RPRD2: variants seen among roughly 807,000 people sequenced by gnomAD.
The protein encoded by RPRD2 is regulation of nuclear pre-mRNA domain-containing protein 2.
RPRD2 carries 12 observed loss-of-function variants against 104.4 expected under a neutral mutation model. That is an observed-to-expected ratio of 0.11 (90% confidence interval 0.07 to 0.19). RPRD2 has a LOEUF of 0.19. RPRD2 is among the 10% of genes least tolerant of loss of function. RPRD2 has a pLI of 1.00. For missense variants in RPRD2, 1,543 were observed against 1,790.1 expected (o/e 0.86, Z 2.49); for synonymous variants, 714 against 684.9 (o/e 1.04, Z -0.66).
At chr1:150,437,511 GT>G (rs750658263) in intron 2 of RPRD2, among the ~76,000 whole-genome samples, 2 of 152,132 alleles carry the variant, frequency 1.3e-5, no homozygotes, top group Non-Finnish European at 2.9e-5. Context: ...TATGGATATT[GT>G]TTTTAATACA....
rs781691953 is a variant in RPRD2, at chr1:150,472,977, C to G, written c.4029C>G (p.Leu1343=). 5.6e-6 allele frequency: 9 copies of G among 1,613,950 alleles called. No individual in the cohort carries two copies. The African/African-American group carries it at 6.7e-5, about 12-fold the overall frequency. ...QGTLAEHFGV[L]PGPRDHGGPT... is the part of the protein sequence containing the mutation. ...CCCTGGCTGAGCATTTTGGGGTACT[C>G]CCAGGACCCAGGGACCACGGGGGCC... The change falls in exon 11 of 11, where the codon CTC becomes CTG. Residue 1343 remains leucine, a synonymous_variant. Transcript: ENST00000369068.
At chr1:150,426,362 C>T (rs1665124150) in intron 2 of RPRD2, among the ~76,000 whole-genome samples, 1 of 152,128 alleles carries the variant, frequency 6.6e-6, no homozygotes, top group South Asian at 2.1e-4. Context: ...GGGTTTAAAT[C>T]CTGGATCTCT....
chr1:150,417,876 C>T (rs1037749773), intron 2 of RPRD2, among the ~76,000 whole-genome samples, 151 bp downstream of exon 2: 2 of 151,984 alleles, frequency 1.3e-5, no homozygotes, highest in East Asian at 1.9e-4. Context: ...TGTTAACACA[C>T]GTTTTTCTTT....
intron 7 of RPRD2, 33 bp downstream of exon 7, chr1:150,446,434 T>C: frequency 6.8e-7 from 1 of 1,478,446 alleles, no homozygotes; most frequent in African/African-American, 1.4e-5. Flanking sequence ...TTATACTGAA[T>C]GCTTGTTACT....
intron 1 of RPRD2, among the ~76,000 whole-genome samples, chr1:150,415,907 A>G (rs1664297189): frequency 1.3e-5 from 2 of 152,186 alleles, no homozygotes; most frequent in Admixed American, 6.5e-5. Context: ...GTGAAACAGC[A>G]TATAAGCTTA....
At chr1:150,402,981 AC>A (rs200340288) in intron 1 of RPRD2, among the ~76,000 whole-genome samples, 32 of 148,136 alleles carry the variant, frequency 2.2e-4, no homozygotes, top group Admixed American at 2.0e-4. Flanking sequence ...AAAAACAAAA[AC>A]AAAAAAGATC....
At chr1:150,385,666 G>C (rs1438822081) in intron 1 of RPRD2, among the ~76,000 whole-genome samples, 1 of 152,168 alleles carries the variant, frequency 6.6e-6, no homozygotes, top group Non-Finnish European at 1.5e-5. Context: ...GGTACCCTTA[G>C]TGTTGTCATA....
intron 8 of RPRD2, among the ~76,000 whole-genome samples, chr1:150,459,573 T>A (rs1553898311): frequency 2.0e-5 from 3 of 150,652 alleles, no homozygotes; most frequent in African/African-American, 7.3e-5. Context: ...AGATACAAGA[T>A]AAATTCTGGA....
chr1:150,471,604 A>G lies in RPRD2; in HGVS notation c.2656A>G (p.Lys886Glu). ...YSHRAQEFGVKSAFPPSVRAL... is the reference protein window; with the variant it reads ...YSHRAQEFGVESAFPPSVRAL... The stretch of plus-strand genomic sequence containing the variant: ...CCACAGAGCCCAAGAATTTGGGGTA[A>G]AGTCTGCCTTCCCTCCATCTGTAAG... The change falls in exon 11 of 11, where the codon AAG (lysine) becomes GAG (glutamate). Residue 886 changes from lysine to glutamate, a missense_variant. Physicochemically the swap from Lys to Glu is moderately conservative, Grantham distance 56. Around this residue, in one of 4 missense-constraint regions of RPRD2, gnomAD observed 880 missense variants for 885.6 expected, o/e 0.99. Coordinates refer to ENST00000369068, the MANE Select transcript of RPRD2 (RefSeq NM_015203.5). This position sits in a 1 kb window ranked among gnomAD's most constrained non-coding sequence, Gnocchi z 5.3. 1 of 1,613,582 alleles carries G rather than the reference A, an allele frequency of 6.2e-7. No individual in the cohort carries two copies.
chr1:150,379,242 C>T (rs1192700665), intron 1 of RPRD2, among the ~76,000 whole-genome samples: 6 of 150,212 alleles, frequency 4.0e-5, no homozygotes, highest in South Asian at 4.2e-4. Context: ...CAGATCACGC[C>T]GTTGCACTCC....
chr1:150,456,036 C>T (rs782583551), intron 7 of RPRD2, among the ~76,000 whole-genome samples: 1 of 152,006 alleles, frequency 6.6e-6, no homozygotes, highest in Non-Finnish European at 1.5e-5. Flanking sequence ...CCCTATGTTG[C>T]CCAGGCTGGT....
At chr1:150,399,432 A>C (rs1662797351) in intron 1 of RPRD2, among the ~76,000 whole-genome samples, 1 of 152,172 alleles carries the variant, frequency 6.6e-6, no homozygotes, top group African/African-American at 2.4e-5. Context: ...TTTCATCATT[A>C]AATTGTCTAT....
intron 1 of RPRD2, among the ~76,000 whole-genome samples, chr1:150,379,347 T>C (rs1351565062): frequency 6.6e-6 from 1 of 152,098 alleles, no homozygotes; most frequent in Admixed American, 6.6e-5. Flanking sequence ...TTGTTTTTAA[T>C]GGGTTAATGG....
Position 150,472,575 on chromosome 1 carries a change from A to C in RPRD2, c.3627A>C (p.Pro1209=), listed in dbSNP as rs762903345. ...ATGGGACACCCTTCCAGAGAGAGCC[A>C]GTGGGGCCATCATCTGCCCCACCTG... ...LEHGTPFQRE[P]VGPSSAPPVP... Residue 1209 remains proline (P), a synonymous_variant, in exon 11 of 11, where the codon CCA becomes CCC. Transcript: ENST00000369068. 1.9e-6 allele frequency: 3 copies of C among 1,613,904 alleles called. No homozygotes were observed. The highest frequency in any genetic ancestry group is 2.5e-6 in the Non-Finnish European group (3 of 1,179,808).
intron 2 of RPRD2, among the ~76,000 whole-genome samples, chr1:150,421,963 G>A (rs969982833): frequency 6.6e-6 from 1 of 152,064 alleles, no homozygotes; most frequent in Admixed American, 6.6e-5. Context: ...CAGCCTGGGT[G>A]ACAGAGCAAG....
Position 150,473,071 on chromosome 1 carries a change from T to A in RPRD2, c.4123T>A (p.Ser1375Thr). ...AGAGAGCCTCACCCTACCCTCCCAT[T>A]CTCTGGAACACCTGGGCCCACCCCA... The part of the protein sequence containing the change: ...VRESLTLPSH[S>T]LEHLGPPHGG... The change falls in exon 11 of 11, where the codon TCT (serine) becomes ACT (threonine). Residue 1375 changes from serine to threonine, a missense_variant. By Grantham distance (58) the Ser-to-Thr change is moderately conservative. Transcript: ENST00000369068. The A allele has an allele frequency of 6.2e-7, 1 of 1,613,886 alleles. No homozygotes were observed. Among genetic ancestry groups the A allele is most frequent in the South Asian group, 1.1e-5 (1 of 91,076 alleles).
intron 2 of RPRD2, among the ~76,000 whole-genome samples, chr1:150,436,351 C>T (rs1199316232): frequency 6.6e-6 from 1 of 152,162 alleles, no homozygotes; most frequent in Non-Finnish European, 1.5e-5. Flanking sequence ...CCTGTAATCC[C>T]AGCACTTTGG....
At chr1:150,420,243 AC>A (rs1664668396) in intron 2 of RPRD2, among the ~76,000 whole-genome samples, 1 of 151,742 alleles carries the variant, frequency 6.6e-6, no homozygotes, top group South Asian at 2.1e-4. Context: ...ACAGTTGCCA[AC>A]CTTTTTTTTT....
intron 1 of RPRD2, among the ~76,000 whole-genome samples, chr1:150,378,854 G>A (rs1295503644): frequency 5.3e-5 from 8 of 151,450 alleles, no homozygotes; most frequent in Non-Finnish European, 1.0e-4. Context: ...ATGGTGGTGC[G>A]CGCCTGTAAT....
Sources: gnomAD v4.1 joint callset for allele counts (sites outside exome capture counted in the v4.1 genomes callset) on GRCh38, gnomAD v4.1.1 for gene constraint, gnomAD v4.1.1 regional missense constraint, Gnocchi (gnomAD v3.1) non-coding constraint, MANE v1.5 for transcripts, NCBI Gene and HGNC (gene_info 2026-07-23, HGNC 2026-07-21) for gene names.